The following ANKS1B variants were observed in gnomAD, a reference collection of about 807,000 sequenced individuals.
The protein encoded by ANKS1B is ankyrin repeat and sterile alpha motif domain containing 1B.
Under a neutral mutation model 148.3 loss-of-function variants are expected in ANKS1B, and 36 were observed. The ratio of observed to expected loss-of-function variants is 0.24; its 90% CI spans 0.19 to 0.32. ANKS1B has a LOEUF of 0.32. Ranked by LOEUF, ANKS1B falls within the 10% of genes least tolerant of loss-of-function variation. ANKS1B has a pLI of 1.00. For synonymous variants in ANKS1B, 542 were observed against 560.8 expected (o/e 0.97, Z 0.47); for missense variants, 1,157 against 1,542.6 (o/e 0.75, Z 4.19).
At chr12:98,909,582 A>T (rs952672299) in intron 17 of ANKS1B, among the ~76,000 whole-genome samples, 1 of 152,252 alleles carries the variant, frequency 6.6e-6, no homozygotes, top group East Asian at 1.9e-4. Context: ...AAGCAGAAGG[A>T]TAAGATGAAT....
chr12:99,434,138 A>G (rs183929965), intron 11 of ANKS1B, among the ~76,000 whole-genome samples: 56 of 152,242 alleles, frequency 3.7e-4, no homozygotes, highest in African/African-American at 1.3e-3. Context: ...TATACTATTC[A>G]TTGTATAGTC....
At position 99,196,086 on chromosome 12, in the gene ANKS1B, C is replaced by T. The variant is rs971645114; in HGVS notation, c.2420-41691G>A. 8.7e-4 allele frequency among the ~76,000 whole-genome samples: 132 copies of T among 152,110 alleles called. 2 individuals are homozygous for T. The highest frequency in any genetic ancestry group is 8.0e-3 in the Admixed American group (122 of 15,262). The stretch of plus-strand genomic sequence containing the variant: ...ATCATGTTGTTGTCTGGAAGAGAAT[C>T]GTCAAATTGTCAACAGTAGTTTTTG... On this transcript the variant is annotated intron_variant, in intron 14 of 26. Coordinates refer to ENST00000683438, the MANE Select transcript of ANKS1B (RefSeq NM_001352186.2).
At position 98,745,165 on chromosome 12, in the gene ANKS1B, T is replaced by A; in HGVS notation, c.*574A>T. On this transcript the variant is annotated 3_prime_UTR_variant, in exon 27 of 27. Transcript: ENST00000683438. Reference sequence around the variant, plus strand: ...TTTCTCTGACATAGGTGATTACATATAAAATCCACAAATATAGAAATGGGG... The same window carrying A: ...TTTCTCTGACATAGGTGATTACATAAAAAATCCACAAATATAGAAATGGGG... The A allele has an allele frequency of 1.0e-6, 1 of 985,828 alleles. No homozygotes were observed. Among genetic ancestry groups the A allele is most frequent in the Non-Finnish European group, 1.2e-6 (1 of 829,924 alleles). 61.1% of individuals were successfully genotyped at this position (985,828 alleles called of 1,614,324 possible).
At chr12:99,458,419 G>A (rs12307241) in intron 10 of ANKS1B, among the ~76,000 whole-genome samples, 6,057 of 149,888 alleles carry the variant, frequency 0.04, 430 homozygotes, top group African/African-American at 0.14. Context: ...AACCAAGATC[G>A]GAGCAGAACT....
In ANKS1B at chr12:99,140,397, C is replaced by A. The variant is rs573667561; in HGVS notation, c.2526+13892G>T. Among the ~76,000 whole-genome samples the A allele has an allele frequency of 9.2e-5, 14 of 152,256 alleles. No homozygotes were observed. The South Asian group carries it at 2.7e-3, about 29-fold the overall frequency. ...ATATTTCAGTATTCCTGGAATAATT[C>A]ATGTAAGCTTTTTCCTTGTATCCAA... is the stretch of plus-strand genomic sequence containing the variant. On this transcript the variant is annotated intron_variant, in intron 15 of 26. Transcript: ENST00000683438.
chr12:99,292,186 C>T (rs533903616), intron 12 of ANKS1B, among the ~76,000 whole-genome samples: 6 of 151,820 alleles, frequency 4.0e-5, no homozygotes, highest in South Asian at 2.1e-4. Context: ...AGCTTCTGCA[C>T]GGCAAAAGAA....
chr12:99,535,634 G>A (rs907778064), intron 9 of ANKS1B, among the ~76,000 whole-genome samples: 2 of 151,916 alleles, frequency 1.3e-5, no homozygotes, highest in Admixed American at 1.3e-4. Context: ...TCTACTTTGA[G>A]CTCATCTGCT....
chr12:99,565,459 A>AAAATGAACTGT (rs879659850), intron 9 of ANKS1B, among the ~76,000 whole-genome samples: 8 of 152,318 alleles, frequency 5.3e-5, no homozygotes, highest in Non-Finnish European at 1.0e-4. Flanking sequence ...CTAATGGGGG[A>AAAATGAACTGT]AAATGAAAAG....
chr12:99,708,357 T>G (rs2056136929), intron 8 of ANKS1B, among the ~76,000 whole-genome samples: 1 of 152,178 alleles, frequency 6.6e-6, no homozygotes, highest in Non-Finnish European at 1.5e-5. Flanking sequence ...CTACAGGTAC[T>G]GCTTGGATCC....
intron 17 of ANKS1B, among the ~76,000 whole-genome samples, chr12:98,980,937 C>G (rs1369431770): frequency 6.6e-6 from 1 of 152,132 alleles, no homozygotes; most frequent in African/African-American, 2.4e-5. Context: ...TTCTTCCTCT[C>G]AGAGATCACA....
At chr12:99,697,976 G>T (rs1457473496) in intron 8 of ANKS1B, among the ~76,000 whole-genome samples, 1 of 151,884 alleles carries the variant, frequency 6.6e-6, no homozygotes, top group African/African-American at 2.4e-5. Flanking sequence ...AAGAAAAACG[G>T]GGCAGAAAAC....
At chr12:99,434,611 A>G (rs1259605374) in intron 11 of ANKS1B, among the ~76,000 whole-genome samples, 1 of 152,096 alleles carries the variant, frequency 6.6e-6, no homozygotes, top group African/African-American at 2.4e-5. Flanking sequence ...CACTCATGTG[A>G]TTTGAAAATA....
At chr12:99,544,695 A>C (rs1331481809) in intron 9 of ANKS1B, among the ~76,000 whole-genome samples, 1 of 152,154 alleles carries the variant, frequency 6.6e-6, no homozygotes, top group Non-Finnish European at 1.5e-5. Flanking sequence ...AAGTGACAAG[A>C]GCAATTGTTC....
chr12:99,644,905 A>G (rs1318398894), intron 9 of ANKS1B, among the ~76,000 whole-genome samples: 4 of 151,858 alleles, frequency 2.6e-5, no homozygotes, highest in Non-Finnish European at 4.4e-5. Flanking sequence ...CACCACTCTG[A>G]CCTCTACTTC....
Position 98,800,690 on chromosome 12 carries a change from A to ATATATATATATATATG in ANKS1B, c.3270+306_3270+307insCATATATATATATATA. ...AGTGAGCAGAGATATATATATATATATGCCATATTTACACTCATTTCCATT... is the reference window on the plus strand; with the variant it reads ...AGTGAGCAGAGATATATATATATATATATATATATATATATGTGCCATATTTACACTCATTTCCATT... On this transcript the variant is annotated intron_variant, in intron 21 of 26. Coordinates refer to ENST00000683438, the MANE Select transcript of ANKS1B (RefSeq NM_001352186.2). Among the ~76,000 whole-genome samples, 62 of 137,976 alleles carry ATATATATATATATATG rather than the reference A, an allele frequency of 4.5e-4. 1 individual carries two copies. The highest frequency in any genetic ancestry group is 1.5e-3 in the African/African-American group (58 of 38,334). The allele number at this position is 137,976 out of a possible 152,430, so 90.5% of individuals were successfully genotyped here.
At chr12:99,009,309 T>C (rs2099937931) in intron 17 of ANKS1B, among the ~76,000 whole-genome samples, 1 of 152,182 alleles carries the variant, frequency 6.6e-6, no homozygotes, top group Non-Finnish European at 1.5e-5. Context: ...GAACACAATC[T>C]CTCAGAAGAA....
intron 17 of ANKS1B, among the ~76,000 whole-genome samples, chr12:98,853,342 G>C (rs1050961571): frequency 6.6e-6 from 1 of 152,178 alleles, no homozygotes; most frequent in East Asian, 1.9e-4. Context: ...CCTAACTGGG[G>C]AGCAGGAATT....
intron 10 of ANKS1B, among the ~76,000 whole-genome samples, chr12:99,464,229 G>A (rs2096054430): frequency 1.3e-5 from 2 of 152,278 alleles, no homozygotes; most frequent in African/African-American, 2.4e-5. Context: ...GCAGCTGAGG[G>A]TCCTGTCTGT....
intron 12 of ANKS1B, among the ~76,000 whole-genome samples, chr12:99,336,652 C>A (rs747021443): frequency 6.6e-6 from 1 of 151,808 alleles, no homozygotes; most frequent in Non-Finnish European, 1.5e-5. Flanking sequence ...GTTCTTAGCA[C>A]CTTTGTTGAA....
Sources: gnomAD v4.1 joint callset for allele counts (sites outside exome capture counted in the v4.1 genomes callset) on GRCh38, gnomAD v4.1.1 for gene constraint, MANE v1.5 for transcripts, NCBI Gene and HGNC (gene_info 2026-07-23, HGNC 2026-07-21) for gene names.